The following HNRNPH1 variants were observed in gnomAD, a reference collection of about 807,000 sequenced individuals.
HNRNPH1 encodes the protein heterogeneous nuclear ribonucleoprotein H.
HNRNPH1 carries 4 observed loss-of-function variants against 58.6 expected under a neutral mutation model. That is an observed-to-expected ratio of 0.07 (90% CI 0.03 to 0.16). The LOEUF (loss-of-function observed/expected upper bound fraction) is 0.16. HNRNPH1 is among the 10% of genes least tolerant of loss of function. The pLI is 1.00. For missense variants in HNRNPH1, 271 were observed against 564.2 expected, an observed-to-expected ratio of 0.48 and a Z score of 5.26; for synonymous variants, 192 against 189.2, an observed-to-expected ratio of 1.01 and a Z score of -0.12.
chr5:179,617,220 C>A, intron 8 of HNRNPH1, 110 bp from the exon 10 acceptor site: 3 of 1,075,050 alleles, frequency 2.8e-6, no homozygotes, highest in Middle Eastern at 2.7e-4. Context: ...AATACTTTGG[C>A]AAAGAAATTC....
intron 10 of HNRNPH1, chr5:179,616,620 A>G (rs1769846906): frequency 9.3e-6 from 5 of 540,266 alleles, no homozygotes; most frequent in South Asian, 5.0e-5. Context: ...TTATACTTAG[A>G]AAATTTAAGT....
At chr5:179,623,104 T>A (rs774400717) in exon 1 of HNRNPH1, 2 of 1,606,130 alleles carry the variant, frequency 1.2e-6, no homozygotes, top group Non-Finnish European at 8.5e-7. Context: ...TCACCACGAA[T>A]CCCTCTCCAC....
chr5:179,621,551 A>C, intron 1 of HNRNPH1, 154 bp from the exon 3 acceptor site: 1 of 616,018 alleles, frequency 1.6e-6, no homozygotes, highest in Non-Finnish European at 2.8e-6. Flanking sequence ...CTAAAACTCC[A>C]ATTAAAAAAA....
chr5:179,624,709 C>G (rs1162159228), upstream of HNRNPH1: 1 of 397,494 alleles, frequency 2.5e-6, no homozygotes, highest in African/African-American at 2.1e-5. Flanking sequence ...CAGGCCTCCC[C>G]ATGTCTGATT....
chr5:179,632,287 G>T (rs933079475), intron 2 of HNRNPH1, among the ~76,000 whole-genome samples: 1 of 150,462 alleles, frequency 6.6e-6, no homozygotes, highest in Non-Finnish European at 1.5e-5. Flanking sequence ...CAGCCTGAGT[G>T]ACAGAGCGAG....
exon 3 of HNRNPH1, chr5:179,620,991 T>C: frequency 6.2e-7 from 1 of 1,614,072 alleles, no homozygotes; most frequent in Non-Finnish European, 8.5e-7. Context: ...TTTGGACCAG[T>C]ATGCTTCAAC....
At chr5:179,630,941 AAAAAAC>A (rs1444699109) in intron 2 of HNRNPH1, among the ~76,000 whole-genome samples, 5 of 152,120 alleles carry the variant, frequency 3.3e-5, no homozygotes, top group African/African-American at 1.2e-4. Flanking sequence ...CAGCTCAAAA[AAAAAAC>A]AAAAACAAAA....
exon 1 of HNRNPH1, chr5:179,624,418 C>T: frequency 2.5e-6 from 1 of 397,788 alleles, no homozygotes; most frequent in Admixed American, 4.4e-5. Flanking sequence ...CCCTGTGTAC[C>T]CCTTGACCCG....
intron 1 of HNRNPH1, chr5:179,621,923 G>A (rs927050970): frequency 6.6e-6 from 3 of 456,172 alleles, no homozygotes; most frequent in African/African-American, 4.0e-5. Context: ...CCCCTGCAAG[G>A]CGGCTTCCAG....
intron 1 of HNRNPH1, 196 bp from the exon 3 acceptor site, chr5:179,621,593 A>C: frequency 3.4e-6 from 2 of 580,856 alleles, no homozygotes; most frequent in Non-Finnish European, 6.1e-6. Flanking sequence ...ATATATTTCC[A>C]ACCCATCAAC....
upstream of HNRNPH1, chr5:179,629,018 C>CTATT (rs1774597376): frequency 2.0e-5 from 3 of 151,394 alleles, no homozygotes; most frequent in Admixed American, 2.0e-4. Flanking sequence ...AATAACCCGG[C>CTATT]TGGGCGCGGC....
Position 179,621,831 on chromosome 5 carries a change from C to G in HNRNPH1, c.98-434G>C, listed in dbSNP as rs1366122829. The G allele has an allele frequency of 2.2e-5, 9 of 415,372 alleles. No individual in the cohort carries two copies. In the Admixed American group the frequency reaches 2.4e-4, roughly 11 times the overall value. 25.7% of individuals were successfully genotyped at this position (415,372 alleles called of 1,614,324 possible). A position where few individuals can be genotyped will look rare whatever the true frequency, so the allele number is the denominator to read the frequency against. On this transcript the variant is annotated intron_variant, in intron 1 of 12. Transcript: ENST00000356731. ...TTCTCATTCAAATTCAAATTACAAG[C>G]CCAATACTCACCTGAAAGGGGATCA...
At chr5:179,632,607 TGAG>T (rs1278991739) in intron 2 of HNRNPH1, among the ~76,000 whole-genome samples, 1 of 152,212 alleles carries the variant, frequency 6.6e-6, no homozygotes, top group Non-Finnish European at 1.5e-5. Context: ...GACGGCCACC[TGAG>T]GAGGGACCGA....
chr5:179,622,685 T>C (rs531681263), intron 1 of HNRNPH1, among the ~76,000 whole-genome samples: 1 of 152,068 alleles, frequency 6.6e-6, no homozygotes, highest in African/African-American at 2.4e-5. Context: ...CACTCCAGCT[T>C]GGGTGACAGA....
At chr5:179,632,658 G>A (rs1774941162) in intron 2 of HNRNPH1, among the ~76,000 whole-genome samples, 1 of 152,228 alleles carries the variant, frequency 6.6e-6, no homozygotes, top group Admixed American at 6.5e-5. Context: ...GCCTCCTCCA[G>A]GCGGACAACG....
intron 1 of HNRNPH1, chr5:179,621,663 T>C (rs143363071): frequency 2.1e-6 from 1 of 487,770 alleles, no homozygotes; most frequent in African/African-American, 1.9e-5. Context: ...TTGCTACTCA[T>C]GTCTACATCA....
rs200543486 is a variant in HNRNPH1 at position 179,616,900 on chromosome 5, A to G, written c.1176T>C (p.Tyr392=). 6.2e-5 allele frequency: 100 copies of G among 1,613,208 alleles called. 1 individual carries two copies. The highest frequency in any genetic ancestry group is 8.0e-5 in the Non-Finnish European group (94 of 1,179,364). ...CCATGCCTCCCATCATTTGGCTACC[A>G]TAAGCACCACCGCTTGCTCCTGCTG... The change falls in exon 10 of 13, where the codon TAT becomes TAC. Residue 392 remains tyrosine, a synonymous_variant. Transcript: ENST00000356731.
At chr5:179,614,806 A>AAT in exon 13 of HNRNPH1, 3 of 738,324 alleles carry the variant, frequency 4.1e-6, no homozygotes, top group Non-Finnish European at 6.3e-6. Flanking sequence ...AAAAAAAAAA[A>AAT]GGTTGACCAA....
exon 4 of HNRNPH1, chr5:179,619,282 T>C: frequency 1.2e-6 from 2 of 1,612,334 alleles, no homozygotes; most frequent in Non-Finnish European, 1.7e-6. Context: ...TGCCCTATTC[T>C]TTCCTTGTGT....
Sources: gnomAD v4.1 joint callset for allele counts (sites outside exome capture counted in the v4.1 genomes callset) on GRCh38, gnomAD v4.1.1 for gene constraint, MANE v1.5 for transcripts, NCBI Gene and HGNC (gene_info 2026-07-23, HGNC 2026-07-21) for gene names.